Variants in VWA8 observed in about 807,000 individuals in gnomAD.
The protein encoded by VWA8 is von Willebrand factor A domain-containing protein 8.
In VWA8, 221 loss-of-function variants were observed where a neutral mutation model predicts 241.5. The observed-to-expected ratio is 0.91, with a 90% CI of 0.82 to 1.02. VWA8 has a LOEUF of 1.02. Among genes scored for constraint, VWA8 ranks in the 50% least tolerant of loss-of-function variants. The pLI, the probability that VWA8 is intolerant of heterozygous loss-of-function variation, is 0.00. For synonymous variants in VWA8, 852 were observed against 827.1 expected, an observed-to-expected ratio of 1.03 and a Z score of -0.52; for missense variants, 2,322 against 2,328.7, an observed-to-expected ratio of 1.00 and a Z score of 0.06.
chr13:41,899,548 G>A (rs1197549620), intron 4 of VWA8, among the ~76,000 whole-genome samples: 1 of 152,074 alleles, frequency 6.6e-6, no homozygotes, highest in Admixed American at 6.5e-5. Context: ...AATCTGAAAC[G>A]CTCAATTTTC....
intron 17 of VWA8, among the ~76,000 whole-genome samples, chr13:41,791,923 T>C (rs1759374683): frequency 1.3e-5 from 2 of 151,804 alleles, no homozygotes; most frequent in Non-Finnish European, 3.0e-5. Flanking sequence ...TGTCAAATCA[T>C]AGAGTAATAA....
intron 28 of VWA8, among the ~76,000 whole-genome samples, chr13:41,700,642 C>T (rs1219479355): frequency 2.0e-5 from 3 of 152,126 alleles, no homozygotes; most frequent in Non-Finnish European, 2.9e-5. Context: ...TTGTCTTAAA[C>T]ATACAGATAC....
At position 41,961,067 on chromosome 13, in the gene VWA8, G is replaced by A. The variant is rs1169664220; in HGVS notation, c.-52C>T. 1 of 1,344,874 alleles carries A rather than the reference G, an allele frequency of 7.4e-7. No individual in the cohort carries two copies. Among genetic ancestry groups the A allele is most frequent in the Non-Finnish European group, 9.5e-7 (1 of 1,050,660 alleles). 83.3% of individuals were successfully genotyped at this position (1,344,874 alleles called of 1,614,324 possible). On this transcript the variant is annotated 5_prime_UTR_variant, in exon 1 of 45. The change creates a new upstream start codon in the 5' untranslated region. Transcript: ENST00000379310. Reference sequence around the variant, plus strand: ...CGAGGGGGCTCGGGGATCGAGCGGCGTCCCGTGCAGGCACCGTGAGGCAGC... The same window carrying A: ...CGAGGGGGCTCGGGGATCGAGCGGCATCCCGTGCAGGCACCGTGAGGCAGC...
chr13:41,917,151 T>C (rs1876299027), intron 2 of VWA8, among the ~76,000 whole-genome samples: 1 of 152,222 alleles, frequency 6.6e-6, no homozygotes. Context: ...ATCTAAATTA[T>C]AATTTTCTCC....
chr13:41,728,605 G>A (rs766792183), intron 23 of VWA8, among the ~76,000 whole-genome samples: 1 of 151,742 alleles, frequency 6.6e-6, no homozygotes, highest in Non-Finnish European at 1.5e-5. Context: ...AGAATTCTGA[G>A]GGTCTGAATG....
intron 2 of VWA8, among the ~76,000 whole-genome samples, chr13:41,935,959 C>T (rs1877330348): frequency 6.6e-6 from 1 of 152,038 alleles, no homozygotes; most frequent in Non-Finnish European, 1.5e-5. Flanking sequence ...ACTCAGGTTG[C>T]TTCTACTTTC....
intron 14 of VWA8, among the ~76,000 whole-genome samples, chr13:41,828,970 G>A (rs894129924): frequency 2.0e-5 from 3 of 152,100 alleles, no homozygotes; most frequent in Admixed American, 6.5e-5. Flanking sequence ...TGGGTAATCC[G>A]ATATCAGATG....
At chr13:41,633,499 C>T (rs564687807) in intron 37 of VWA8, among the ~76,000 whole-genome samples, 1 of 152,314 alleles carries the variant, frequency 6.6e-6, no homozygotes, top group South Asian at 2.1e-4. Flanking sequence ...TCTCCTGGAA[C>T]TTATGGGGGC....
chr13:41,647,463 A>T (rs1428932657), intron 37 of VWA8, among the ~76,000 whole-genome samples: 6 of 152,244 alleles, frequency 3.9e-5, no homozygotes, highest in African/African-American at 1.4e-4. Flanking sequence ...TTTGAAAAAA[A>T]TAAAAAGAAT....
intron 29 of VWA8, among the ~76,000 whole-genome samples, chr13:41,698,628 A>G (rs2045229740): frequency 6.6e-6 from 1 of 152,158 alleles, no homozygotes; most frequent in Non-Finnish European, 1.5e-5. Flanking sequence ...CTAAAAGGAA[A>G]TATCTCAGCA....
At chr13:41,924,741 G>A (rs532418164) in intron 2 of VWA8, among the ~76,000 whole-genome samples, 2 of 151,180 alleles carry the variant, frequency 1.3e-5, no homozygotes, top group East Asian at 3.9e-4. Context: ...GCTGAGGTCT[G>A]TTTCTCTGAA....
intron 21 of VWA8, among the ~76,000 whole-genome samples, chr13:41,739,839 GTTTTTTTTGTTTTTTTTGTT>G (rs1566436376): frequency 1.6e-4 from 7 of 43,608 alleles, no homozygotes. Context: ...TTTTTTTTTT[GTTTTTTTTGTTTTTTTTGTT>G]TTTTTTTTTT....
intron 26 of VWA8, among the ~76,000 whole-genome samples, chr13:41,713,402 C>T (rs918718177): frequency 2.0e-5 from 3 of 152,080 alleles, no homozygotes; most frequent in Non-Finnish European, 2.9e-5. Context: ...AAAAAGTGAA[C>T]CTATTATATT....
intron 2 of VWA8, among the ~76,000 whole-genome samples, chr13:41,920,274 G>A (rs1363004190): frequency 6.6e-6 from 1 of 152,088 alleles, no homozygotes; most frequent in Admixed American, 6.6e-5. Flanking sequence ...GAACCTTTGA[G>A]GCTCCCCTTC....
intron 17 of VWA8, among the ~76,000 whole-genome samples, chr13:41,799,055 T>A (rs1216687403): frequency 6.6e-6 from 1 of 152,244 alleles, no homozygotes. Context: ...GTCATCCAGT[T>A]TTTAATTCCT....
rs563607480 is a variant in VWA8, at chr13:41,721,896, A to G, written c.2759-321T>C. Among the ~76,000 whole-genome samples, 16 of 152,324 alleles carry G rather than the reference A, an allele frequency of 1.1e-4. No individual in the cohort carries two copies. The East Asian group carries it at 3.1e-3, about 29-fold the overall frequency. On this transcript the variant is annotated intron_variant, in intron 24 of 44. Coordinates refer to ENST00000379310, the MANE Select transcript of VWA8 (RefSeq NM_015058.2). ...TCTATGCCAATGCCACTCCCTCCCCAAAAAGCACTGAGTCTTAATGTTTAG... is the reference window on the plus strand; with the variant it reads ...TCTATGCCAATGCCACTCCCTCCCCGAAAAGCACTGAGTCTTAATGTTTAG...
chr13:41,675,952 C>T (rs141619090), intron 35 of VWA8, among the ~76,000 whole-genome samples: 1 of 152,192 alleles, frequency 6.6e-6, no homozygotes, highest in East Asian at 1.9e-4. Flanking sequence ...GAGGATGGGG[C>T]AGTGGGGTGA....
intron 26 of VWA8, chr13:41,719,388 C>A: frequency 7.1e-7 from 1 of 1,400,444 alleles, no homozygotes; most frequent in Non-Finnish European, 9.2e-7. Flanking sequence ...ATGGGACATA[C>A]ATAATAATCA....
At chr13:41,699,449 C>G (rs1211315169) in intron 28 of VWA8, among the ~76,000 whole-genome samples, 179 bp from the exon 29 acceptor site, 1 of 152,144 alleles carries the variant, frequency 6.6e-6, no homozygotes, top group Non-Finnish European at 1.5e-5. Flanking sequence ...AGTTTTGACC[C>G]TAAATGTAGA....
Sources: gnomAD v4.1 joint callset for allele counts (sites outside exome capture counted in the v4.1 genomes callset) on GRCh38, gnomAD v4.1.1 for gene constraint, MANE v1.5 for transcripts, NCBI Gene and HGNC (gene_info 2026-07-23, HGNC 2026-07-21) for gene names.